The following PDE11A variants were observed in gnomAD, a reference collection of about 807,000 sequenced individuals.
PDE11A encodes dual 3',5'-cyclic-AMP and -GMP phosphodiesterase 11A.
Under a neutral mutation model 100.5 loss-of-function variants are expected in PDE11A, and 100 were observed. The ratio of observed to expected loss-of-function variants is 1.00; its 90% CI spans 0.85 to 1.18. The LOEUF is 1.18. PDE11A is among the 50% of genes most tolerant of loss of function. The pLI is 0.00. For synonymous variants in PDE11A, 381 were observed against 420.8 expected, an observed-to-expected ratio of 0.91 and a Z score of 1.16; for missense variants, 1,141 against 1,152.6, an observed-to-expected ratio of 0.99 and a Z score of 0.15.
chr2:177,811,421 A>G (rs1256351564), intron 9 of PDE11A, among the ~76,000 whole-genome samples: 1 of 152,000 alleles, frequency 6.6e-6, no homozygotes, highest in Non-Finnish European at 1.5e-5. Flanking sequence ...TTTTAACAAT[A>G]GAATTGTATA....
chr2:177,649,041 T>A (rs891498915), intron 19 of PDE11A, among the ~76,000 whole-genome samples: 1 of 152,140 alleles, frequency 6.6e-6, no homozygotes, highest in Non-Finnish European at 1.5e-5. Flanking sequence ...TTATTTATAA[T>A]ATGGAAAATG....
Position 177,742,380 on chromosome 2 carries a change from C to T in PDE11A, c.1789-14208G>A, listed in dbSNP as rs182037409. Among the ~76,000 whole-genome samples the T allele has an allele frequency of 2.8e-4, 43 of 152,220 alleles. No individual in the cohort carries two copies. The East Asian group carries it at 4.4e-3, about 16-fold the overall frequency. Reference sequence around the variant, plus strand: ...CTGCAGCTCTAATCCTCTCTATTGCCCCTGATGAAGTCTTTCTTGGTGCCT... The same window carrying T: ...CTGCAGCTCTAATCCTCTCTATTGCTCCTGATGAAGTCTTTCTTGGTGCCT... On this transcript the variant is annotated intron_variant, in intron 10 of 19. Transcript: ENST00000286063.
chr2:177,792,259 A>T (rs1574147263), intron 9 of PDE11A, among the ~76,000 whole-genome samples: 1 of 152,220 alleles, frequency 6.6e-6, no homozygotes, highest in Non-Finnish European at 1.5e-5. Context: ...ACAGAGAAGA[A>T]CATAGCATTC....
chr2:178,091,423 C>T (rs1283148286), intron 2 of PDE11A, among the ~76,000 whole-genome samples: 2 of 152,134 alleles, frequency 1.3e-5, no homozygotes, highest in African/African-American at 4.8e-5. Flanking sequence ...GGTGAAAAGC[C>T]GCAAGGAATT....
At chr2:177,819,037 G>C (rs2083092610) in intron 7 of PDE11A, among the ~76,000 whole-genome samples, 1 of 152,000 alleles carries the variant, frequency 6.6e-6, no homozygotes, top group Admixed American at 6.6e-5. Context: ...AATAAGGGAT[G>C]TTTACTTTTA....
At chr2:178,017,011 T>C (rs2086347190) in intron 1 of PDE11A, among the ~76,000 whole-genome samples, 1 of 152,252 alleles carries the variant, frequency 6.6e-6, no homozygotes, top group Non-Finnish European at 1.5e-5. Context: ...CCAGTTTACT[T>C]GTTCTCCTCC....
At chr2:177,948,624 CT>C (rs1473129961) in intron 2 of PDE11A, among the ~76,000 whole-genome samples, 3 of 152,180 alleles carry the variant, frequency 2.0e-5, no homozygotes, top group Admixed American at 2.0e-4. Context: ...TAATAACAGG[CT>C]GAGTGCAGTG....
At chr2:177,665,955 G>A (rs1462754792) in intron 18 of PDE11A, among the ~76,000 whole-genome samples, 2 of 151,624 alleles carry the variant, frequency 1.3e-5, no homozygotes, top group Non-Finnish European at 2.9e-5. Context: ...ATATTATAAA[G>A]TTACTTTTTT....
chr2:177,727,980 G>T, intron 11 of PDE11A, 46 bp downstream of exon 11: 2 of 1,566,264 alleles, frequency 1.3e-6, no homozygotes, highest in Non-Finnish European at 1.8e-6. Context: ...TGGCTAACAC[G>T]TTGTCCCAGG....
upstream of PDE11A, among the ~76,000 whole-genome samples, chr2:178,077,260 C>CTTTTTTTTTTTTT (rs57259393): frequency 1.0e-5 from 1 of 98,648 alleles, no homozygotes; most frequent in Non-Finnish European, 1.9e-5. Context: ...TTCTTTCTTT[C>CTTTTTTTTTTTTT]TTTTTTTTTT....
chr2:177,952,365 G>C (rs1008578443), intron 2 of PDE11A, among the ~76,000 whole-genome samples: 1 of 152,114 alleles, frequency 6.6e-6, no homozygotes, highest in African/African-American at 2.4e-5. Flanking sequence ...AGTTTTGATT[G>C]CACTGTAAAT....
intron 1 of PDE11A, among the ~76,000 whole-genome samples, chr2:178,038,214 T>A (rs2086641203): frequency 6.6e-6 from 1 of 152,064 alleles, no homozygotes; most frequent in African/African-American, 2.4e-5. Flanking sequence ...ATGGCCACAA[T>A]CAAGATATGA....
intron 2 of PDE11A, among the ~76,000 whole-genome samples, chr2:177,936,959 T>C (rs1309085538): frequency 6.6e-6 from 1 of 152,122 alleles, no homozygotes; most frequent in African/African-American, 2.4e-5. Flanking sequence ...TTATTAAATA[T>C]TTATATTTTA....
At chr2:177,841,097 T>G (rs2083483876) in intron 5 of PDE11A, among the ~76,000 whole-genome samples, 1 of 152,238 alleles carries the variant, frequency 6.6e-6, no homozygotes, top group Non-Finnish European at 1.5e-5. Flanking sequence ...AGGAATTTTA[T>G]GCCAAATGAT....
Position 178,094,869 on chromosome 2 carries a change from C to T in PDE11A, c.162+9433G>A, listed in dbSNP as rs540714427. 9.7e-4 allele frequency among the ~76,000 whole-genome samples: 147 copies of T among 152,254 alleles called. 1 individual carries two copies. The highest frequency in any genetic ancestry group is 6.2e-4 in the Non-Finnish European group (42 of 68,024). ...AGCATGAAAAGGAGGAATTTCCAAA[C>T]ACTTATAAAACCATCAGATATTGTG... On this transcript the variant is annotated intron_variant, in intron 2 of 20. Transcript: ENST00000358450.
intron 10 of PDE11A, among the ~76,000 whole-genome samples, chr2:177,732,150 C>T (rs749187894): frequency 2.4e-4 from 37 of 152,116 alleles, no homozygotes; most frequent in African/African-American, 8.9e-4. Flanking sequence ...ATGTAGATCT[C>T]GTTCTCTTAT....
chr2:177,988,884 C>G (rs929429405), intron 2 of PDE11A, among the ~76,000 whole-genome samples: 3 of 152,178 alleles, frequency 2.0e-5, no homozygotes, highest in Non-Finnish European at 4.4e-5. Flanking sequence ...TTTGTGAGGT[C>G]TTCTGTAGTC....
Position 177,823,432 on chromosome 2 carries a change from C to T in PDE11A, c.1501-3137G>A, listed in dbSNP as rs372888791. On this transcript the variant is annotated intron_variant, in intron 6 of 19. Transcript: ENST00000286063. ...CAAAGACAACAGTGATGATGATAAG[C>T]TCACATTTGCTAGATGTTCACTCTC... Among the ~76,000 whole-genome samples, 24 of 152,296 alleles carry T rather than the reference C, an allele frequency of 1.6e-4. No homozygotes were observed. In the East Asian group the frequency reaches 3.9e-3, roughly 24 times the overall value.
intron 7 of PDE11A, among the ~76,000 whole-genome samples, chr2:177,819,293 T>A (rs1453023134): frequency 6.6e-6 from 1 of 152,068 alleles, no homozygotes; most frequent in Non-Finnish European, 1.5e-5. Context: ...TTAAAAACAC[T>A]CACAGAATAC....
Sources: allele counts gnomAD v4.1 joint callset (sites outside exome capture counted in the v4.1 genomes callset), GRCh38; gene constraint gnomAD v4.1.1; transcripts MANE v1.5; gene names NCBI Gene and HGNC (gene_info 2026-07-23, HGNC 2026-07-21).